RBM46: variants seen among roughly 807,000 people sequenced by gnomAD.
RBM46 encodes the protein probable RNA-binding protein 46.
Under a neutral mutation model 43.3 loss-of-function variants are expected in RBM46, and 12 were observed. The ratio of observed to expected loss-of-function variants is 0.28; its 90% confidence interval spans 0.18 to 0.45. The LOEUF is 0.45. Ranked by LOEUF, RBM46 falls within the 20% of genes least tolerant of loss-of-function variation. RBM46 has a pLI of 1.00. For synonymous variants in RBM46, 205 were observed against 207.6 expected (o/e 0.99, Z 0.11); for missense variants, 412 against 639.1 (o/e 0.64, Z 3.83).
intron 1 of RBM46, among the ~76,000 whole-genome samples, chr4:154,782,790 C>T (rs973578008): frequency 1.3e-5 from 2 of 152,154 alleles, no homozygotes; most frequent in African/African-American, 2.4e-5. Flanking sequence ...CTTTTTAAGT[C>T]TTGGCTTCTC....
intron 4 of RBM46, among the ~76,000 whole-genome samples, chr4:154,818,060 T>A (rs1291641545): frequency 6.6e-6 from 1 of 152,106 alleles, no homozygotes; most frequent in Non-Finnish European, 1.5e-5. Flanking sequence ...GGTACTTATA[T>A]ATATATATTT....
At chr4:154,793,115 A>T (rs1322053683) in intron 1 of RBM46, among the ~76,000 whole-genome samples, 1 of 152,232 alleles carries the variant, frequency 6.6e-6, no homozygotes, top group Admixed American at 6.5e-5. Flanking sequence ...CACACAGTTG[A>T]TATGAAAGTA....
intron 1 of RBM46, among the ~76,000 whole-genome samples, chr4:154,792,185 C>G (rs1734128068): frequency 6.6e-6 from 1 of 152,106 alleles, no homozygotes; most frequent in Non-Finnish European, 1.5e-5. Context: ...AGCACTATTA[C>G]TTTCTCTCTT....
chr4:154,814,893 G>A (rs1470398990), intron 4 of RBM46, among the ~76,000 whole-genome samples: 1 of 150,186 alleles, frequency 6.7e-6, no homozygotes. Flanking sequence ...ACAGAAAAGT[G>A]CACAAATAAT....
intron 4 of RBM46, among the ~76,000 whole-genome samples, chr4:154,809,706 C>T (rs1166473868): frequency 6.6e-6 from 1 of 152,110 alleles, no homozygotes; most frequent in South Asian, 2.1e-4. Flanking sequence ...TGATGCAGTG[C>T]ACTTACCTAA....
chr4:154,812,631 A>AT, intron 4 of RBM46, among the ~76,000 whole-genome samples: 1 of 152,204 alleles, frequency 6.6e-6, no homozygotes, highest in Non-Finnish European at 1.5e-5. Flanking sequence ...TAGCCATATA[A>AT]TTTATCAGTC....
At chr4:154,826,282 A>AC (rs1378734287) in intron 4 of RBM46, among the ~76,000 whole-genome samples, 3 of 151,946 alleles carry the variant, frequency 2.0e-5, no homozygotes, top group Admixed American at 2.0e-4. Context: ...ACATGGTGAA[A>AC]CCCCGTCTCT....
chr4:154,796,664 C>T, intron 1 of RBM46, 78 bp from the exon 2 acceptor site: 1 of 999,712 alleles, frequency 1.0e-6, no homozygotes, highest in Non-Finnish European at 1.4e-6. Context: ...CTTTGTTTTT[C>T]TGCAACCCAA....
chr4:154,809,563 T>C (rs1735079599), intron 4 of RBM46, among the ~76,000 whole-genome samples: 1 of 152,118 alleles, frequency 6.6e-6, no homozygotes. Flanking sequence ...AGAATGCTCT[T>C]TAAATATATA....
In RBM46 at chr4:154,828,041, A is replaced by G. The variant is rs1386064275; in HGVS notation, c.1576A>G (p.Ile526Val). ...NGSHVGQRLC[I>V]SNQASFF is the part of the protein sequence containing the mutation. ...CAGCCATGTTGGACAGCGGCTATGT[A>G]TCTCCAATCAGGCCTCCTTCTTCTG... Residue 526 changes from isoleucine to valine, a missense_variant, in exon 5 of 5, where the codon ATC (isoleucine) becomes GTC (valine). Ile to Val is a conservative substitution (Grantham distance 29). Coordinates refer to ENST00000281722, the MANE Select transcript of RBM46 (RefSeq NM_144979.5). 2 of 1,613,376 alleles carry G rather than the reference A, an allele frequency of 1.2e-6. No individual in the cohort carries two copies. Among genetic ancestry groups the G allele is most frequent in the African/African-American group, 1.3e-5 (1 of 75,026 alleles).
At chr4:154,784,180 T>G (rs994374310) in intron 1 of RBM46, among the ~76,000 whole-genome samples, 1 of 152,188 alleles carries the variant, frequency 6.6e-6, no homozygotes, top group Non-Finnish European at 1.5e-5. Context: ...TTACATTGAG[T>G]TTTTAAAACC....
In RBM46 at chr4:154,827,995, AACAATATC is replaced by A; in HGVS notation, c.1533_1540del (p.Ile512CysfsTer2). ...CTTATCCAGGCTATCCTTTGTCACC[AACAATATC>A]ACTTGCTAATGGCAGCCATGTTGGA... On this transcript the variant is annotated frameshift_variant, in exon 5 of 5. Transcript: ENST00000281722. LOFTEE classifies it high-confidence loss of function. 6.2e-7 allele frequency: 1 copy of A among 1,614,020 alleles called. No individual in the cohort carries two copies.
chr4:154,792,955 A>G (rs77958599), intron 1 of RBM46, among the ~76,000 whole-genome samples: 3,501 of 152,320 alleles, frequency 0.023, 133 homozygotes, highest in African/African-American at 0.08. Context: ...GCTCTTGATA[A>G]TCACAGAAAA....
At chr4:154,806,953 T>G (rs1340957660) in intron 4 of RBM46, among the ~76,000 whole-genome samples, 1 of 151,856 alleles carries the variant, frequency 6.6e-6, no homozygotes, top group Non-Finnish European at 1.5e-5. Context: ...ATAAATCTAT[T>G]TGATCATGCT....
rs557876749 is a variant in RBM46, at chr4:154,827,414, T to C, written c.1403-454T>C. 57 of 988,386 alleles carry C rather than the reference T, an allele frequency of 5.8e-5. No individual in the cohort carries two copies. In the South Asian group the frequency reaches 2.0e-3, roughly 35 times the overall value. The allele number at this position is 988,386 out of a possible 1,614,324, so 61.2% of individuals were successfully genotyped here. ...CCAGCTAGTTTATACCAAATGTTTTTGCAGTCCAGGGGTGAATGTTTCTGC... is the reference window on the plus strand; with the variant it reads ...CCAGCTAGTTTATACCAAATGTTTTCGCAGTCCAGGGGTGAATGTTTCTGC... On this transcript the variant is annotated intron_variant, in intron 4 of 4. Coordinates refer to ENST00000281722, the MANE Select transcript of RBM46 (RefSeq NM_144979.5).
In RBM46 at chr4:154,828,134, ATTG is replaced by A; in HGVS notation, c.*70_*72del. The A allele has an allele frequency of 8.2e-7, 1 of 1,216,516 alleles. No homozygotes were observed. Among genetic ancestry groups the A allele is most frequent in the Non-Finnish European group, 1.2e-6 (1 of 825,472 alleles). 75.4% of individuals were successfully genotyped at this position (1,216,516 alleles called of 1,614,324 possible). A position where few individuals can be genotyped will look rare whatever the true frequency, so the allele number is the denominator to read the frequency against. On this transcript the variant is annotated 3_prime_UTR_variant, in exon 5 of 5. Transcript: ENST00000281722. ...AGTATGAAAACTTGCAAATTAAAATATTGTTTTATTTTAGAATCGGGTTTGCAT... is the reference window on the plus strand; with the variant it reads ...AGTATGAAAACTTGCAAATTAAAATATTTTATTTTAGAATCGGGTTTGCAT...
intron 4 of RBM46, chr4:154,820,379 C>T (rs773800164): frequency 2.4e-5 from 36 of 1,526,144 alleles, no homozygotes; most frequent in Admixed American, 2.0e-4. Flanking sequence ...AACACAATCT[C>T]TTCAGCCTGG....
intron 4 of RBM46, among the ~76,000 whole-genome samples, chr4:154,813,385 T>C (rs1248908155): frequency 6.6e-6 from 1 of 151,994 alleles, no homozygotes; most frequent in African/African-American, 2.4e-5. Context: ...GACAGGGGCA[T>C]ATGGATGATT....
chr4:154,817,870 C>T (rs1371606355), intron 4 of RBM46, among the ~76,000 whole-genome samples: 1 of 151,338 alleles, frequency 6.6e-6, no homozygotes, highest in African/African-American at 2.4e-5. Flanking sequence ...ACTTTCTTTT[C>T]TTTAGCTGTA....
Sources: allele counts gnomAD v4.1 joint callset (sites outside exome capture counted in the v4.1 genomes callset), GRCh38; gene constraint gnomAD v4.1.1; transcripts MANE v1.5; gene names NCBI Gene and HGNC (gene_info 2026-07-23, HGNC 2026-07-21).